PPP1R37: variants seen among roughly 807,000 people sequenced by gnomAD.
The protein encoded by PPP1R37 is leucine rich repeat containing 68.
A neutral mutation model predicts 61.0 loss-of-function variants in PPP1R37; 21 were observed. The observed-to-expected ratio is 0.34, with a 90% CI of 0.24 to 0.50. The LOEUF is 0.50. Among genes scored for constraint, PPP1R37 ranks in the 20% least tolerant of loss-of-function variants. The pLI is 0.98. For synonymous variants in PPP1R37, 443 were observed against 433.5 expected, an observed-to-expected ratio of 1.02 and a Z score of -0.27; for missense variants, 910 against 952.7, an observed-to-expected ratio of 0.96 and a Z score of 0.59.
intron 1 of PPP1R37, among the ~76,000 whole-genome samples, chr19:45,132,412 C>T (rs1176327283): frequency 2.6e-5 from 4 of 151,962 alleles, no homozygotes; most frequent in Admixed American, 2.6e-4. Flanking sequence ...CTCAAGCTAT[C>T]CTCCCATCTC....
chr19:45,142,746 A>C, intron 7 of PPP1R37: 1 of 436,606 alleles, frequency 2.3e-6, no homozygotes, highest in Non-Finnish European at 4.1e-6. Flanking sequence ...GAAGTGAATA[A>C]TTACAATCTG....
At chr19:45,106,337 G>A (rs1213103584) in intron 1 of PPP1R37, among the ~76,000 whole-genome samples, 3 of 152,114 alleles carry the variant, frequency 2.0e-5, no homozygotes, top group Non-Finnish European at 2.9e-5. Flanking sequence ...TGCCTCCCAA[G>A]TTTAAGCGAT....
chr19:45,115,974 CAAAAA>C (rs35020667), intron 1 of PPP1R37, among the ~76,000 whole-genome samples: 1 of 128,282 alleles, frequency 7.8e-6, no homozygotes, highest in Non-Finnish European at 1.7e-5. Flanking sequence ...GACTCTGTCT[CAAAAA>C]AAAAAAAAAA....
intron 1 of PPP1R37, among the ~76,000 whole-genome samples, chr19:45,119,909 C>T (rs984153690): frequency 5.3e-5 from 8 of 152,180 alleles, no homozygotes; most frequent in African/African-American, 1.9e-4. Context: ...CGGAGAAGGG[C>T]CTGGGGTCCC....
intron 1 of PPP1R37, among the ~76,000 whole-genome samples, chr19:45,135,040 G>C (rs1209334456): frequency 1.3e-5 from 2 of 152,180 alleles, no homozygotes; most frequent in Admixed American, 1.3e-4. Context: ...ATGCGGTCAG[G>C]AGTTCGAGAC....
intron 1 of PPP1R37, among the ~76,000 whole-genome samples, chr19:45,119,344 G>A (rs897177894): frequency 6.6e-6 from 1 of 152,112 alleles, no homozygotes; most frequent in African/African-American, 2.4e-5. Context: ...GTAGAGATGG[G>A]GTTTTGCCCT....
intron 4 of PPP1R37, 131 bp downstream of exon 4, chr19:45,140,737 C>A: frequency 4.5e-6 from 3 of 668,090 alleles, no homozygotes; most frequent in Middle Eastern, 3.6e-4. Context: ...AAGGGCGGGG[C>A]CTCTTGCAGG....
At chr19:45,114,012 T>A (rs981848164) in intron 1 of PPP1R37, among the ~76,000 whole-genome samples, 1 of 152,216 alleles carries the variant, frequency 6.6e-6, no homozygotes, top group African/African-American at 2.4e-5. Context: ...GGCGTTGGCC[T>A]CTGCAATAAC....
rs1279695401 is a variant in PPP1R37, at chr19:45,094,845, C to T, written c.202+1318C>T. ...TACTTGAAGTGTTGGGAGAGAGGGC[C>T]AGCGCACTGGAGAGGGTCAGGTCAG... On this transcript the variant is annotated intron_variant, in intron 1 of 12. Coordinates refer to ENST00000221462, the MANE Select transcript of PPP1R37 (RefSeq NM_019121.2). Among the ~76,000 whole-genome samples the T allele has an allele frequency of 3.9e-5, 6 of 152,116 alleles. No individual in the cohort carries two copies. In the South Asian group the frequency reaches 1.2e-3, roughly 32 times the overall value.
chr19:45,122,012 G>GGGCCATGGTGAAA (rs1968348124), intron 1 of PPP1R37, among the ~76,000 whole-genome samples: 1 of 152,182 alleles, frequency 6.6e-6, no homozygotes, highest in African/African-American at 2.4e-5. Context: ...AGGTAGCGAG[G>GGGCCATGGTGAAA]CCTTGGGGGT....
intron 1 of PPP1R37, among the ~76,000 whole-genome samples, chr19:45,127,727 A>C (rs1968425075): frequency 6.6e-6 from 1 of 152,184 alleles, no homozygotes; most frequent in Non-Finnish European, 1.5e-5. Context: ...TTGTAATCCC[A>C]GCACTGTGGG....
intron 1 of PPP1R37, chr19:45,128,736 C>T: frequency 1.3e-6 from 1 of 793,804 alleles, no homozygotes; most frequent in South Asian, 1.5e-5. Context: ...CGTCAAGGTC[C>T]ACCTGGTTGG....
chr19:45,129,018 G>A, intron 1 of PPP1R37: 1 of 841,238 alleles, frequency 1.2e-6, no homozygotes, highest in South Asian at 1.3e-5. Context: ...TGCAGTCAAG[G>A]CCATGGCAAA....
At chr19:45,101,959 A>T (rs1205262403) in intron 1 of PPP1R37, among the ~76,000 whole-genome samples, 8 of 152,162 alleles carry the variant, frequency 5.3e-5, no homozygotes, top group Admixed American at 5.2e-4. Flanking sequence ...TGTTTCCCAT[A>T]GCACCTCTGA....
intron 1 of PPP1R37, among the ~76,000 whole-genome samples, chr19:45,112,126 C>T (rs1013089826): frequency 8.6e-5 from 13 of 152,028 alleles, no homozygotes; most frequent in African/African-American, 2.9e-4. Context: ...CTCCTGCCAC[C>T]ACACCTGGCT....
chr19:45,144,752 C>T (rs900683160), intron 8 of PPP1R37, 102 bp from the exon 9 acceptor site: 3 of 1,005,892 alleles, frequency 3.0e-6, no homozygotes, highest in South Asian at 1.7e-5. Context: ...AGAAAAGGAG[C>T]GCCCGGGCCT....
At chr19:45,110,044 G>A (rs1968181199) in intron 1 of PPP1R37, among the ~76,000 whole-genome samples, 1 of 152,066 alleles carries the variant, frequency 6.6e-6, no homozygotes, top group Non-Finnish European at 1.5e-5. Context: ...AGTGTAGCCT[G>A]GCACCTAGAA....
At position 45,143,856 on chromosome 19, in the gene PPP1R37, A is replaced by T. The variant is rs1968647103; in HGVS notation, c.987+223A>T. ...TATCTCCTTTTTTTTTTTGAGACCG[A>T]GTCTCATCCTGTCACCCAGGCTGGA... On this transcript the variant is annotated intron_variant, in intron 8 of 12. Coordinates refer to ENST00000221462, the MANE Select transcript of PPP1R37 (RefSeq NM_019121.2). 5 of 387,362 alleles carry T rather than the reference A, an allele frequency of 1.3e-5. No homozygotes were observed. The Admixed American group carries it at 1.7e-4, about 13-fold the overall frequency. 24.0% of individuals were successfully genotyped at this position (387,362 alleles called of 1,614,324 possible).
chr19:45,141,230 A>G, intron 4 of PPP1R37, 92 bp from the exon 5 acceptor site: 1 of 1,403,432 alleles, frequency 7.1e-7, no homozygotes, highest in Non-Finnish European at 9.4e-7. Context: ...CCCTGGACCC[A>G]TCGTCTCTCG....
Sources: allele counts gnomAD v4.1 joint callset (sites outside exome capture counted in the v4.1 genomes callset), GRCh38; gene constraint gnomAD v4.1.1; transcripts MANE v1.5; gene names NCBI Gene and HGNC (gene_info 2026-07-23, HGNC 2026-07-21).